The following PSD3 variants were observed in gnomAD, a reference collection of about 807,000 sequenced individuals.
The protein encoded by PSD3 is pleckstrin and Sec7 domain containing 3.
A neutral mutation model predicts 105.5 loss-of-function variants in PSD3; 49 were observed. That is an observed-to-expected ratio of 0.46 (90% confidence interval 0.37 to 0.59). The LOEUF is 0.59. Ranked by LOEUF, PSD3 falls within the 20% of genes least tolerant of loss-of-function variation. The probability of loss-of-function intolerance (pLI) is 0.00; values close to 1 mark genes in which losing one functional copy is unlikely to be tolerated. For missense variants in PSD3, 1,561 were observed against 1,263.8 expected (o/e 1.24, Z -3.57); for synonymous variants, 557 against 457.8 (o/e 1.22, Z -2.77).
intron 1 of PSD3, among the ~76,000 whole-genome samples, chr8:19,079,892 T>G (rs924917408): frequency 2.8e-5 from 1 of 35,352 alleles, no homozygotes; most frequent in Non-Finnish European, 1.0e-4. Flanking sequence ...AGAAAATAGC[T>G]TTTTTTTTTT....
chr8:19,082,689 C>T lies in PSD3; in HGVS notation c.324+1517G>A, dbSNP rs73589599. ...GAGGCTTCAGCTTATCCCCCGAAGG[C>T]GGGAGGGGAGAGTGGGAAAAGATGG... On this transcript the variant is annotated intron_variant, in intron 1 of 1. Transcript: ENST00000521475. Among the ~76,000 whole-genome samples, 589 of 152,250 alleles carry T rather than the reference C, an allele frequency of 3.9e-3. 3 individuals carry two copies. Among genetic ancestry groups the T allele is most frequent in the African/African-American group, 0.013 (530 of 41,554 alleles).
At chr8:18,735,410 C>T (rs1156432568) in intron 9 of PSD3, among the ~76,000 whole-genome samples, 1 of 152,036 alleles carries the variant, frequency 6.6e-6, no homozygotes, top group African/African-American at 2.4e-5. Context: ...CACTGAATGG[C>T]GAATGGACGA....
chr8:18,827,192 C>A (rs1334285575), intron 4 of PSD3, among the ~76,000 whole-genome samples: 1 of 152,136 alleles, frequency 6.6e-6, no homozygotes, highest in African/African-American at 2.4e-5. Context: ...ACAAACTCTG[C>A]ACAGAAAACT....
At chr8:18,878,287 T>A (rs888240686) in intron 2 of PSD3, among the ~76,000 whole-genome samples, 2 of 152,198 alleles carry the variant, frequency 1.3e-5, no homozygotes, top group African/African-American at 4.8e-5. Flanking sequence ...GAATCTTATA[T>A]CCTACAACCT....
At chr8:19,030,804 T>C (rs745993350) in intron 1 of PSD3, among the ~76,000 whole-genome samples, 2 of 152,212 alleles carry the variant, frequency 1.3e-5, no homozygotes, top group Non-Finnish European at 2.9e-5. Context: ...ATCCAAGGAA[T>C]TCAATATGGT....
intron 1 of PSD3, among the ~76,000 whole-genome samples, chr8:18,980,550 T>C (rs184331919): frequency 6.6e-6 from 1 of 152,172 alleles, no homozygotes; most frequent in Admixed American, 6.6e-5. Flanking sequence ...TAATTACAAA[T>C]ACATTAGGGT....
intron 4 of PSD3, among the ~76,000 whole-genome samples, chr8:18,815,674 T>C (rs567818616): frequency 1.3e-5 from 2 of 152,306 alleles, no homozygotes; most frequent in East Asian, 3.9e-4. Flanking sequence ...GCTGTGTTTC[T>C]CTTTGGCGTG....
chr8:19,010,626 G>C (rs1218347608), intron 1 of PSD3, among the ~76,000 whole-genome samples: 1 of 152,068 alleles, frequency 6.6e-6, no homozygotes, highest in Non-Finnish European at 1.5e-5. Flanking sequence ...GATGGTCAAC[G>C]TAACTCAGAA....
intron 4 of PSD3, among the ~76,000 whole-genome samples, chr8:18,812,975 G>A (rs1187989984): frequency 6.6e-6 from 1 of 152,110 alleles, no homozygotes; most frequent in Non-Finnish European, 1.5e-5. Context: ...CTTGTGGTGT[G>A]GAGGGAAAAC....
chr8:18,693,046 T>C (rs1384829837), intron 9 of PSD3, among the ~76,000 whole-genome samples: 1 of 152,126 alleles, frequency 6.6e-6, no homozygotes, highest in Non-Finnish European at 1.5e-5. Context: ...CGCTGACATA[T>C]GTGAAGGCCG....
At chr8:18,793,043 G>T (rs1397071826) in intron 8 of PSD3, among the ~76,000 whole-genome samples, 2 of 152,116 alleles carry the variant, frequency 1.3e-5, no homozygotes, top group African/African-American at 4.8e-5. Context: ...GATGAAGCTG[G>T]AAACTATCAT....
At chr8:18,646,678 T>C (rs909016446) in intron 10 of PSD3, among the ~76,000 whole-genome samples, 2 of 152,036 alleles carry the variant, frequency 1.3e-5, no homozygotes, top group East Asian at 1.9e-4. Context: ...TCTAAACTAA[T>C]AGAAAAACTC....
intron 9 of PSD3, among the ~76,000 whole-genome samples, chr8:18,657,126 T>G (rs574001995): frequency 2.0e-5 from 3 of 152,170 alleles, no homozygotes. Context: ...CTCTTGTCTT[T>G]CAAACAAGAA....
chr8:18,755,762 T>C (rs1805986374), intron 9 of PSD3, among the ~76,000 whole-genome samples: 1 of 152,066 alleles, frequency 6.6e-6, no homozygotes, highest in Admixed American at 6.5e-5. Context: ...GTAATTTTTT[T>C]TTTTTTTTAA....
rs1827055365 is a variant in PSD3 at position 19,013,557 on chromosome 8, G to A, written c.21+6C>T. 5 of 1,563,174 alleles carry A rather than the reference G, an allele frequency of 3.2e-6. No homozygotes were observed. In the South Asian group the frequency reaches 3.4e-5, roughly 11 times the overall value. ...CCCGCGCCCGCGCCCCGGCCCCGGA[G>A]CTCACCGCTGCGCTCCTTCCTTCCA... On this transcript the variant is annotated splice_donor_region_variant and intron_variant, in intron 1 of 15. Coordinates refer to ENST00000327040, the MANE Select transcript of PSD3 (RefSeq NM_015310.4).
At chr8:18,979,478 G>A (rs1157784797) in intron 1 of PSD3, 1 of 152,054 alleles carries the variant, frequency 6.6e-6, no homozygotes, top group Non-Finnish European at 1.5e-5. Context: ...AGAAATTGCT[G>A]TTTTGATATG....
chr8:18,877,912 T>C (rs778298197), intron 2 of PSD3, among the ~76,000 whole-genome samples: 5 of 152,192 alleles, frequency 3.3e-5, no homozygotes, highest in Non-Finnish European at 7.4e-5. Flanking sequence ...AATCTGGAAG[T>C]GTGAGTCTCC....
chr8:18,608,471 A>AT (rs1301236380), intron 11 of PSD3, among the ~76,000 whole-genome samples: 7 of 152,232 alleles, frequency 4.6e-5, no homozygotes, highest in African/African-American at 1.7e-4. Context: ...CATTTCTGCA[A>AT]TAGAAAAATT....
chr8:18,975,742 T>C (rs1454889184), intron 1 of PSD3, among the ~76,000 whole-genome samples: 1 of 152,158 alleles, frequency 6.6e-6, no homozygotes, highest in Non-Finnish European at 1.5e-5. Context: ...AAATCCTTCT[T>C]AAGGCATGAA....
Sources: gnomAD v4.1 joint callset for allele counts (sites outside exome capture counted in the v4.1 genomes callset) on GRCh38, gnomAD v4.1.1 for gene constraint, MANE v1.5 for transcripts, NCBI Gene and HGNC (gene_info 2026-07-23, HGNC 2026-07-21) for gene names.